LDB2: variants seen among roughly 807,000 people sequenced by gnomAD.
LDB2 encodes LIM domain binding 2.
LDB2 carries 12 observed loss-of-function variants against 44.3 expected under a neutral mutation model. The ratio of observed to expected loss-of-function variants is 0.27; its 90% CI spans 0.17 to 0.44. The LOEUF (loss-of-function observed/expected upper bound fraction) is 0.44. LDB2 is among the 20% of genes least tolerant of loss of function. The pLI, the probability that LDB2 is intolerant of heterozygous loss-of-function variation, is 1.00. For missense variants in LDB2, 344 were observed against 473.5 expected, an observed-to-expected ratio of 0.73 and a Z score of 2.54; for synonymous variants, 164 against 174.8, an observed-to-expected ratio of 0.94 and a Z score of 0.49.
rs201649974 is a variant in LDB2 at position 16,761,008 on chromosome 4, GT to G, written c.133-1749del. On this transcript the variant is annotated intron_variant, in intron 1 of 7. Coordinates refer to ENST00000304523, the MANE Select transcript of LDB2 (RefSeq NM_001290.5). Reference sequence around the variant, plus strand: ...CGAATCCACTTCTTCTGTGTGTGTGGTTTTTTTTTTTTCTCTTCAATACAAA... The same window carrying G: ...CGAATCCACTTCTTCTGTGTGTGTGGTTTTTTTTTTTCTCTTCAATACAAA... Among the ~76,000 whole-genome samples, 122 of 145,100 alleles carry G rather than the reference GT, an allele frequency of 8.4e-4. 1 individual carries two copies. The highest frequency in any genetic ancestry group is 5.6e-3 in the East Asian group (28 of 5,026).
At chr4:16,530,544 CCTA>C (rs1267260671) in intron 5 of LDB2, among the ~76,000 whole-genome samples, 5 of 152,228 alleles carry the variant, frequency 3.3e-5, no homozygotes, top group African/African-American at 9.6e-5. Context: ...TGAGGCAGAA[CCTA>C]CTATCTGAAA....
intron 5 of LDB2, among the ~76,000 whole-genome samples, chr4:16,532,314 A>C (rs1161276904): frequency 6.6e-6 from 1 of 152,154 alleles, no homozygotes; most frequent in East Asian, 1.9e-4. Context: ...CACAGAACTG[A>C]TGCTATTTTT....
At chr4:16,747,603 T>C (rs1296482762) in intron 2 of LDB2, among the ~76,000 whole-genome samples, 3 of 152,228 alleles carry the variant, frequency 2.0e-5, no homozygotes, top group Non-Finnish European at 2.9e-5. Flanking sequence ...ACTTCTCATA[T>C]ATGACATGAC....
intron 5 of LDB2, among the ~76,000 whole-genome samples, chr4:16,547,700 G>A (rs1736244737): frequency 6.6e-6 from 1 of 152,124 alleles, no homozygotes; most frequent in Admixed American, 6.5e-5. Context: ...CAGTGGGAGG[G>A]AGGGGCCCAG....
intron 2 of LDB2, among the ~76,000 whole-genome samples, chr4:16,731,275 A>G (rs1392070562): frequency 6.6e-6 from 1 of 152,112 alleles, no homozygotes; most frequent in Non-Finnish European, 1.5e-5. Flanking sequence ...CAGACAGCCA[A>G]CTTCCCACTT....
chr4:16,799,781 G>A (rs1450078602), intron 1 of LDB2, among the ~76,000 whole-genome samples: 1 of 152,098 alleles, frequency 6.6e-6, no homozygotes, highest in East Asian at 1.9e-4. Flanking sequence ...AATACAGGAT[G>A]CTCAGTTAAA....
intron 2 of LDB2, among the ~76,000 whole-genome samples, chr4:16,680,955 A>G (rs1347231859): frequency 6.6e-6 from 1 of 152,236 alleles, no homozygotes; most frequent in Non-Finnish European, 1.5e-5. Flanking sequence ...AAGTCACAAG[A>G]AAATAGGATT....
chr4:16,806,785 G>C (rs976853685), intron 1 of LDB2, among the ~76,000 whole-genome samples: 1 of 152,230 alleles, frequency 6.6e-6, no homozygotes, highest in East Asian at 1.9e-4. Context: ...AGACTGCCTG[G>C]GTTGTATTCC....
intron 1 of LDB2, among the ~76,000 whole-genome samples, chr4:16,784,565 A>C (rs1301958127): frequency 6.6e-6 from 1 of 152,212 alleles, no homozygotes; most frequent in East Asian, 1.9e-4. Flanking sequence ...AAATAGCTTC[A>C]GAGGCAGAGG....
chr4:16,575,974 G>A (rs1047576177), intron 5 of LDB2, among the ~76,000 whole-genome samples: 4 of 152,146 alleles, frequency 2.6e-5, no homozygotes, highest in African/African-American at 4.8e-5. Flanking sequence ...TCTTGACCTC[G>A]TGATTTCCAC....
At chr4:16,642,248 T>C (rs1274738214) in intron 2 of LDB2, among the ~76,000 whole-genome samples, 3 of 152,114 alleles carry the variant, frequency 2.0e-5, no homozygotes, top group Non-Finnish European at 4.4e-5. Context: ...CTGAGCTAAC[T>C]AGTAAGTCTG....
At chr4:16,881,025 C>G (rs1580450542) in intron 1 of LDB2, among the ~76,000 whole-genome samples, 1 of 151,752 alleles carries the variant, frequency 6.6e-6, no homozygotes, top group Non-Finnish European at 1.5e-5. Context: ...TCTCAGTAAA[C>G]AGATACTGGT....
intron 2 of LDB2, among the ~76,000 whole-genome samples, chr4:16,655,925 A>AGTCTC (rs1739703785): frequency 2.8e-5 from 1 of 35,408 alleles, no homozygotes; most frequent in Admixed American, 5.1e-4. Context: ...TTTGAGATGG[A>AGTCTC]GTCTCGCTCT....
At chr4:16,587,793 C>A (rs1717540408) in intron 4 of LDB2, among the ~76,000 whole-genome samples, 1 of 152,282 alleles carries the variant, frequency 6.6e-6, no homozygotes, top group Non-Finnish European at 1.5e-5. Flanking sequence ...CTTACTGATT[C>A]TCTGAACATC....
intron 3 of LDB2, among the ~76,000 whole-genome samples, chr4:16,593,143 G>C (rs774019231): frequency 6.6e-6 from 1 of 152,114 alleles, no homozygotes; most frequent in Non-Finnish European, 1.5e-5. Flanking sequence ...TGATTCACCA[G>C]TTGACCAAAT....
At chr4:16,605,827 G>T (rs938511293) in intron 2 of LDB2, among the ~76,000 whole-genome samples, 1 of 152,206 alleles carries the variant, frequency 6.6e-6, no homozygotes, top group Non-Finnish European at 1.5e-5. Context: ...TAAGGATGGA[G>T]GAGTCAGGAA....
At chr4:16,781,099 C>T (rs144979172) in intron 1 of LDB2, among the ~76,000 whole-genome samples, 142 of 152,276 alleles carry the variant, frequency 9.3e-4, no homozygotes, top group African/African-American at 3.3e-3. Flanking sequence ...ACTTCAGGGA[C>T]TTTGGTTCCC....
At chr4:16,646,959 C>T (rs1315823576) in intron 2 of LDB2, among the ~76,000 whole-genome samples, 1 of 152,120 alleles carries the variant, frequency 6.6e-6, no homozygotes, top group East Asian at 1.9e-4. Context: ...ACTAGCAATA[C>T]CACTACACAA....
intron 3 of LDB2, among the ~76,000 whole-genome samples, chr4:16,595,372 A>G (rs534938713): frequency 6.6e-6 from 1 of 152,288 alleles, no homozygotes; most frequent in South Asian, 2.1e-4. Context: ...CGAAAATAGG[A>G]TATTTCTTTC....
Sources: gnomAD v4.1 joint callset for allele counts (sites outside exome capture counted in the v4.1 genomes callset) on GRCh38, gnomAD v4.1.1 for gene constraint, MANE v1.5 for transcripts, NCBI Gene and HGNC (gene_info 2026-07-23, HGNC 2026-07-21) for gene names.